L3MBTL3: variants seen among roughly 807,000 people sequenced by gnomAD.
L3MBTL3 encodes lethal(3)malignant brain tumor-like protein 3.
In L3MBTL3, 27 loss-of-function variants were observed where a neutral mutation model predicts 102.3. The ratio of observed to expected loss-of-function variants is 0.26; its 90% CI spans 0.19 to 0.36. The LOEUF (loss-of-function observed/expected upper bound fraction) is 0.36, where lower values mean the gene tolerates loss of function less well. Among genes scored for constraint, L3MBTL3 ranks in the 10% least tolerant of loss-of-function variants. L3MBTL3 has a pLI of 1.00. For synonymous variants in L3MBTL3, 340 were observed against 320.9 expected (o/e 1.06, Z -0.64); for missense variants, 798 against 955.3 (o/e 0.84, Z 2.17).
chr6:130,124,312 G>T (rs962631708), intron 20 of L3MBTL3, among the ~76,000 whole-genome samples: 1 of 152,142 alleles, frequency 6.6e-6, no homozygotes, highest in Admixed American at 6.5e-5. Flanking sequence ...TCTGAAGGGC[G>T]CAAAGAATGG....
chr6:130,136,339 C>G (rs552600308), intron 22 of L3MBTL3, among the ~76,000 whole-genome samples: 115 of 152,310 alleles, frequency 7.6e-4, no homozygotes, highest in African/African-American at 2.5e-3. Flanking sequence ...CTCATTACCT[C>G]TCTTGCCCCC....
At chr6:130,062,657 A>G (rs915106371) in intron 10 of L3MBTL3, among the ~76,000 whole-genome samples, 1 of 151,428 alleles carries the variant, frequency 6.6e-6, no homozygotes, top group East Asian at 1.9e-4. Flanking sequence ...GGCCTCCCAA[A>G]GTGCTTGTAT....
At chr6:130,125,495 T>A (rs2114325411) in intron 20 of L3MBTL3, among the ~76,000 whole-genome samples, 1 of 152,360 alleles carries the variant, frequency 6.6e-6, no homozygotes, top group South Asian at 2.1e-4. Context: ...AATTGTTTTC[T>A]GTTTGATCAT....
chr6:130,052,979 A>G lies in L3MBTL3; in HGVS notation c.570A>G (p.Arg190=), dbSNP rs751956246. ...KADTKEDGEE[R]DDEMENKQDV... The stretch of plus-strand genomic sequence containing the variant: ...ACACCAAGGAGGATGGAGAAGAGAG[A>G]GATGATGAAATGGTGAGTGCCTCTG... The change falls in exon 7 of 23, where the codon AGA becomes AGG. Residue 190 remains arginine (R), a synonymous_variant. Coordinates refer to ENST00000361794, the MANE Select transcript of L3MBTL3 (RefSeq NM_032438.4). The G allele has an allele frequency of 1.2e-5, 19 of 1,613,308 alleles. No individual in the cohort carries two copies. Among genetic ancestry groups the G allele is most frequent in the Non-Finnish European group, 1.6e-5 (19 of 1,179,284 alleles).
chr6:130,098,849 C>T (rs921438608), intron 18 of L3MBTL3, among the ~76,000 whole-genome samples: 4 of 148,728 alleles, frequency 2.7e-5, no homozygotes, highest in African/African-American at 1.0e-4. Context: ...ATAGAGCCTG[C>T]CTCGTGTGTT....
At chr6:130,078,011 G>A (rs1783068981) in intron 13 of L3MBTL3, among the ~76,000 whole-genome samples, 1 of 152,144 alleles carries the variant, frequency 6.6e-6, no homozygotes, top group African/African-American at 2.4e-5. Flanking sequence ...TGGAAAAATA[G>A]ATGCTTGACT....
chr6:130,115,365 A>G (rs568494855), intron 19 of L3MBTL3, among the ~76,000 whole-genome samples: 5 of 152,312 alleles, frequency 3.3e-5, no homozygotes, highest in Middle Eastern at 3.4e-3. Flanking sequence ...TTCAATCTAC[A>G]TGGCAATCTG....
intron 19 of L3MBTL3, among the ~76,000 whole-genome samples, chr6:130,107,489 G>A (rs1256062786): frequency 6.6e-6 from 1 of 152,134 alleles, no homozygotes; most frequent in Non-Finnish European, 1.5e-5. Flanking sequence ...GAGGTAGCAA[G>A]TAATCTCATC....
chr6:130,115,714 G>T (rs997925394), intron 19 of L3MBTL3, among the ~76,000 whole-genome samples: 1 of 152,156 alleles, frequency 6.6e-6, no homozygotes, highest in Non-Finnish European at 1.5e-5. Context: ...CATTCAAGTG[G>T]ATTCCACTGT....
intron 2 of L3MBTL3, among the ~76,000 whole-genome samples, chr6:130,036,719 A>G (rs1780089928): frequency 6.6e-6 from 1 of 152,214 alleles, no homozygotes; most frequent in South Asian, 2.1e-4. Context: ...TTTTGTTAGT[A>G]AGCATGTACT....
chr6:130,076,791 G>A lies in L3MBTL3; in HGVS notation c.1245-1767G>A, dbSNP rs562909503. On this transcript the variant is annotated intron_variant, in intron 13 of 22. Coordinates refer to ENST00000361794, the MANE Select transcript of L3MBTL3 (RefSeq NM_032438.4). ...CACAGCCTTCCAACTTTTGAGTGAA[G>A]TGTTGTTTGCTTATTAAGAAAATAT... Among the ~76,000 whole-genome samples the A allele has an allele frequency of 3.9e-5, 6 of 152,236 alleles. No homozygotes were observed. The South Asian group carries it at 1.2e-3, about 32-fold the overall frequency.
chr6:130,048,033 T>C (rs1037899377), intron 3 of L3MBTL3, among the ~76,000 whole-genome samples: 1 of 152,188 alleles, frequency 6.6e-6, no homozygotes, highest in Admixed American at 6.5e-5. Context: ...CTAGAAACCA[T>C]TTAATAATTG....
At chr6:130,022,401 G>T (rs1009215246) in intron 2 of L3MBTL3, 96 bp downstream of exon 2, 2 of 152,190 alleles carry the variant, frequency 1.3e-5, no homozygotes, top group African/African-American at 4.8e-5. Context: ...GACTGGGTTG[G>T]CAGAAAAACA....
At chr6:130,031,091 CATCACA>C (rs1779695560) in intron 2 of L3MBTL3, among the ~76,000 whole-genome samples, 2 of 152,026 alleles carry the variant, frequency 1.3e-5, no homozygotes, top group Non-Finnish European at 2.9e-5. Context: ...AAAAGAAGGT[CATCACA>C]AACTAAATCT....
At position 130,133,458 on chromosome 6, in the gene L3MBTL3, G is replaced by A. The variant is rs139309886; in HGVS notation, c.1973G>A (p.Arg658Gln). The A allele has an allele frequency of 1.9e-4, 300 of 1,613,410 alleles. 1 individual carries two copies. The highest frequency in any genetic ancestry group is 5.8e-4 in the East Asian group (26 of 44,872). The change falls in exon 21 of 23, where the codon CGG becomes CAG. Residue 658 changes from arginine to glutamine, a missense_variant. By Grantham distance (43) the Arg-to-Gln change is conservative. This residue lies in a region of L3MBTL3 where 306 missense variants were observed against 314.4 expected (regional missense o/e 0.97). Transcript: ENST00000361794. This position sits in a 1 kb window ranked among gnomAD's most constrained non-coding sequence, Gnocchi z 4.9. ...ATTTGTTTTCATTGACCAGGTGCCC[G>A]GGAAGAACCCACCGTCCAGCAGGCA... ...MRTSHEARGAREEPTVQQAQR... is the reference protein window; with the variant it reads ...MRTSHEARGAQEEPTVQQAQR...
chr6:130,076,786 G>A (rs1782981728), intron 13 of L3MBTL3, among the ~76,000 whole-genome samples: 1 of 152,106 alleles, frequency 6.6e-6, no homozygotes, highest in South Asian at 2.1e-4. Flanking sequence ...CAACTTTTGA[G>A]TGAAGTGTTG....
At chr6:130,099,386 G>A (rs375748958) in intron 18 of L3MBTL3, among the ~76,000 whole-genome samples, 4 of 152,144 alleles carry the variant, frequency 2.6e-5, no homozygotes, top group Admixed American at 6.5e-5. Context: ...AACTTAGTAC[G>A]TGAGAAATTA....
At chr6:130,047,921 AC>A (rs1210927975) in intron 3 of L3MBTL3, among the ~76,000 whole-genome samples, 1 of 152,186 alleles carries the variant, frequency 6.6e-6, no homozygotes, top group African/African-American at 2.4e-5. Context: ...TGGTATACAC[AC>A]TTGGTATAGT....
chr6:130,116,427 A>G (rs1240541658), intron 19 of L3MBTL3, among the ~76,000 whole-genome samples: 1 of 116,794 alleles, frequency 8.6e-6, no homozygotes, highest in Non-Finnish European at 2.0e-5. Flanking sequence ...TCCTAAGATC[A>G]TATGTGTAAC....
Sources: gnomAD v4.1 joint callset for allele counts (sites outside exome capture counted in the v4.1 genomes callset) on GRCh38, gnomAD v4.1.1 for gene constraint, gnomAD v4.1.1 regional missense constraint, Gnocchi (gnomAD v3.1) non-coding constraint, MANE v1.5 for transcripts, NCBI Gene and HGNC (gene_info 2026-07-23, HGNC 2026-07-21) for gene names.